Variants in CAMK1D observed in about 807,000 individuals in gnomAD.
CAMK1D encodes the protein calcium/calmodulin dependent protein kinase ID, also known as calcium/calmodulin-dependent protein kinase type 1D.
CAMK1D carries 9 observed loss-of-function variants against 47.7 expected under a neutral mutation model. The ratio of observed to expected loss-of-function variants is 0.19; its 90% CI spans 0.11 to 0.33. The LOEUF is 0.33. Ranked by LOEUF, CAMK1D falls within the 10% of genes least tolerant of loss-of-function variation. The probability of loss-of-function intolerance (pLI) is 1.00; values close to 1 mark genes in which losing one functional copy is unlikely to be tolerated. For missense variants in CAMK1D, 291 were observed against 488.7 expected (o/e 0.60, Z 3.81); for synonymous variants, 184 against 184.9 (o/e 0.99, Z 0.04).
chr10:12,574,915 C>A (rs975381755), intron 2 of CAMK1D, among the ~76,000 whole-genome samples: 6 of 152,032 alleles, frequency 3.9e-5, no homozygotes, highest in African/African-American at 1.4e-4. Flanking sequence ...CTCACGAGAA[C>A]TCACTATGAG....
At chr10:12,626,593 C>T (rs1316273688) in intron 2 of CAMK1D, among the ~76,000 whole-genome samples, 1 of 151,802 alleles carries the variant, frequency 6.6e-6, no homozygotes, top group Non-Finnish European at 1.5e-5. Flanking sequence ...TCTGCCTCAG[C>T]CTCCTAAGCA....
intron 3 of CAMK1D, among the ~76,000 whole-genome samples, chr10:12,691,370 TA>T (rs1832885215): frequency 1.2e-4 from 1 of 8,684 alleles, no homozygotes; most frequent in Non-Finnish European, 2.2e-4. Context: ...TATATATATA[TA>T]TATATAAATA....
intron 2 of CAMK1D, among the ~76,000 whole-genome samples, chr10:12,616,610 C>T (rs975180160): frequency 1.3e-4 from 20 of 151,646 alleles, no homozygotes; most frequent in Non-Finnish European, 2.4e-4. Flanking sequence ...CTCCGCCTCC[C>T]GGGTTCACGC....
chr10:12,598,692 G>A (rs1448787277), intron 2 of CAMK1D, among the ~76,000 whole-genome samples: 1 of 152,182 alleles, frequency 6.6e-6, no homozygotes, highest in African/African-American at 2.4e-5. Context: ...AAAGGGCTCT[G>A]TACTGGTGGG....
intron 4 of CAMK1D, among the ~76,000 whole-genome samples, chr10:12,768,836 TC>T (rs1043887023): frequency 1.3e-4 from 20 of 152,280 alleles, no homozygotes; most frequent in Middle Eastern, 3.4e-3. Context: ...ACAATGAGAT[TC>T]CCCAATTCTA....
At chr10:12,651,809 C>T (rs569978075) in intron 2 of CAMK1D, among the ~76,000 whole-genome samples, 198 of 151,902 alleles carry the variant, frequency 1.3e-3, no homozygotes, top group Non-Finnish European at 2.3e-3. Context: ...GACGGAGTCC[C>T]GTTCTGTCGC....
At chr10:12,764,026 CA>C (rs1283430042) in intron 4 of CAMK1D, among the ~76,000 whole-genome samples, 35 of 152,296 alleles carry the variant, frequency 2.3e-4, no homozygotes, top group African/African-American at 8.4e-4. Flanking sequence ...GCCTCTCCCC[CA>C]CCGTCTTCCC....
intron 2 of CAMK1D, among the ~76,000 whole-genome samples, chr10:12,621,128 T>C (rs568318138): frequency 5.8e-4 from 89 of 152,386 alleles, no homozygotes; most frequent in African/African-American, 2.1e-3. Context: ...TTCTGTGTTC[T>C]CTATTCTGTT....
chr10:12,638,276 G>A (rs921323996), intron 2 of CAMK1D, among the ~76,000 whole-genome samples: 3 of 152,122 alleles, frequency 2.0e-5, no homozygotes, highest in East Asian at 1.9e-4. Context: ...GCAGCTGGGC[G>A]TGGTCTGGAT....
chr10:12,597,471 AG>A (rs1378045585), intron 2 of CAMK1D, among the ~76,000 whole-genome samples: 7 of 152,086 alleles, frequency 4.6e-5, no homozygotes, highest in Non-Finnish European at 1.0e-4. Context: ...GACCATCTGG[AG>A]GCTAAAGGAT....
At position 12,611,588 on chromosome 10, in the gene CAMK1D, C is replaced by CTTTTTTT. The variant is rs71386105; in HGVS notation, c.225-55133_225-55127dup. ...CAGTTCCCTGAATGTTTCAGAATGC[C>CTTTTTTT]TTTTTTTTTTTTTTTTTTTTTGAGA... On this transcript the variant is annotated intron_variant, in intron 2 of 10. Coordinates refer to ENST00000619168, the MANE Select transcript of CAMK1D (RefSeq NM_153498.4). Among the ~76,000 whole-genome samples, 87 of 59,946 alleles carry CTTTTTTT rather than the reference C, an allele frequency of 1.5e-3. 5 individuals are homozygous for CTTTTTTT. The highest frequency in any genetic ancestry group is 3.0e-3 in the East Asian group (4 of 1,340). The allele number at this position is 59,946 out of a possible 152,430, so 39.3% of individuals were successfully genotyped here. A position where few individuals can be genotyped will look rare whatever the true frequency, so the allele number is the denominator to read the frequency against.
chr10:12,661,447 C>T (rs1179890931), intron 2 of CAMK1D, among the ~76,000 whole-genome samples: 1 of 152,172 alleles, frequency 6.6e-6, no homozygotes, highest in African/African-American at 2.4e-5. Context: ...ATCTTAGTCT[C>T]CTTCCTTATT....
At chr10:12,458,006 A>G (rs949169079) in intron 1 of CAMK1D, among the ~76,000 whole-genome samples, 2 of 152,324 alleles carry the variant, frequency 1.3e-5, no homozygotes, top group Admixed American at 6.5e-5. Flanking sequence ...AAAGCAAGTC[A>G]GCAACCAGCA....
In CAMK1D at chr10:12,466,243, T is replaced by C. The variant is rs577499504; in HGVS notation, c.93-86982T>C. 2.6e-4 allele frequency among the ~76,000 whole-genome samples: 40 copies of C among 152,106 alleles called. 1 individual carries two copies. In the South Asian group the frequency reaches 8.1e-3, roughly 31 times the overall value. On this transcript the variant is annotated intron_variant, in intron 1 of 10. Coordinates refer to ENST00000619168, the MANE Select transcript of CAMK1D (RefSeq NM_153498.4). ...TAACACGGTGAAACCCCATCTCTACTAAAAATACAAAAAAATTAGCTGGAT... is the reference window on the plus strand; with the variant it reads ...TAACACGGTGAAACCCCATCTCTACCAAAAATACAAAAAAATTAGCTGGAT...
intron 3 of CAMK1D, among the ~76,000 whole-genome samples, chr10:12,728,002 A>G (rs1213283685): frequency 1.3e-5 from 2 of 152,060 alleles, no homozygotes; most frequent in Non-Finnish European, 2.9e-5. Context: ...CTGACCTCCA[A>G]TGATCCGCCC....
intron 1 of CAMK1D, among the ~76,000 whole-genome samples, chr10:12,470,491 G>A (rs1310500433): frequency 6.6e-6 from 1 of 151,568 alleles, no homozygotes; most frequent in East Asian, 1.9e-4. Context: ...AAAATACTGT[G>A]TATGCTTCTT....
At chr10:12,471,305 C>G (rs759087997) in intron 1 of CAMK1D, among the ~76,000 whole-genome samples, 1 of 152,342 alleles carries the variant, frequency 6.6e-6, no homozygotes, top group South Asian at 2.1e-4. Context: ...GTGGCTTCCT[C>G]TATGGTTCTC....
At chr10:12,595,436 A>G (rs1297092112) in intron 2 of CAMK1D, among the ~76,000 whole-genome samples, 3 of 148,816 alleles carry the variant, frequency 2.0e-5, no homozygotes, top group Non-Finnish European at 4.4e-5. Context: ...GTGGGCAGTC[A>G]CTAAAATGCT....
intron 1 of CAMK1D, among the ~76,000 whole-genome samples, chr10:12,384,304 C>T (rs1018072666): frequency 3.3e-5 from 5 of 152,172 alleles, no homozygotes; most frequent in Admixed American, 2.0e-4. Context: ...AGATTAAACA[C>T]AATACCTTTC....
Sources: gnomAD v4.1 joint callset for allele counts (sites outside exome capture counted in the v4.1 genomes callset) on GRCh38, gnomAD v4.1.1 for gene constraint, MANE v1.5 for transcripts, NCBI Gene and HGNC (gene_info 2026-07-23, HGNC 2026-07-21) for gene names.